Variants in RIMS2 observed in about 807,000 individuals in gnomAD.
RIMS2 encodes regulating synaptic membrane exocytosis protein 2.
In RIMS2, 59 loss-of-function variants were observed where a neutral mutation model predicts 174.4. That is an observed-to-expected ratio of 0.34 (90% CI 0.27 to 0.42). The LOEUF (loss-of-function observed/expected upper bound fraction) is 0.42. RIMS2 is among the 10% of genes least tolerant of loss of function. The probability of loss-of-function intolerance (pLI) is 1.00; values close to 1 mark genes in which losing one functional copy is unlikely to be tolerated. For synonymous variants in RIMS2, 606 were observed against 572.5 expected, an observed-to-expected ratio of 1.06 and a Z score of -0.84; for missense variants, 1,620 against 1,666.3, an observed-to-expected ratio of 0.97 and a Z score of 0.48.
intron 19 of RIMS2, among the ~76,000 whole-genome samples, chr8:104,204,523 T>C (rs2099070625): frequency 1.3e-5 from 2 of 152,152 alleles, no homozygotes; most frequent in African/African-American, 4.8e-5. Context: ...TGGACAGTAT[T>C]AATTGTGACT....
intron 19 of RIMS2, among the ~76,000 whole-genome samples, chr8:104,121,580 G>A (rs1408626950): frequency 6.6e-6 from 1 of 152,216 alleles, no homozygotes; most frequent in Non-Finnish European, 1.5e-5. Flanking sequence ...CAAAGTATGT[G>A]TAAATAGGTT....
chr8:103,744,361 G>A (rs1564478030), intron 2 of RIMS2, among the ~76,000 whole-genome samples: 1 of 152,064 alleles, frequency 6.6e-6, no homozygotes, highest in South Asian at 2.1e-4. Context: ...TTATATTTAA[G>A]TTTTGGCTTA....
chr8:103,995,244 G>A (rs534746472), intron 17 of RIMS2, among the ~76,000 whole-genome samples: 1 of 152,162 alleles, frequency 6.6e-6, no homozygotes, highest in South Asian at 2.1e-4. Flanking sequence ...ATTTGAGTGG[G>A]TCAGCCATTG....
chr8:103,842,111 C>T (rs2098943442), intron 3 of RIMS2, among the ~76,000 whole-genome samples: 1 of 152,002 alleles, frequency 6.6e-6, no homozygotes, highest in Admixed American at 6.5e-5. Flanking sequence ...CAGAAGAATA[C>T]AGCTTATTAA....
chr8:103,966,871 A>G (rs984411350), intron 15 of RIMS2, among the ~76,000 whole-genome samples: 3 of 151,594 alleles, frequency 2.0e-5, no homozygotes, highest in Admixed American at 2.0e-4. Context: ...TTCTTGACCC[A>G]TGTGTTATTT....
rs553556291 is a variant in RIMS2, at chr8:103,530,207, G to T, written c.176+29145G>T. Reference sequence around the variant, plus strand: ...AAACATATCACATATGTTAGGGTTTGATGATTTGTAGATGCATATTATAAT... The same window carrying T: ...AAACATATCACATATGTTAGGGTTTTATGATTTGTAGATGCATATTATAAT... On this transcript the variant is annotated intron_variant, in intron 1 of 23. Transcript: ENST00000504942. 2.0e-5 allele frequency among the ~76,000 whole-genome samples: 3 copies of T among 152,280 alleles called. No homozygotes were observed. In the South Asian group the frequency reaches 6.2e-4, roughly 32 times the overall value.
intron 19 of RIMS2, among the ~76,000 whole-genome samples, chr8:104,054,579 C>T (rs971089964): frequency 5.3e-5 from 8 of 152,086 alleles, no homozygotes; most frequent in African/African-American, 1.9e-4. Flanking sequence ...AATATTGCTA[C>T]ATAAGCTTCA....
chr8:104,209,599 T>C (rs2099096530), intron 19 of RIMS2, among the ~76,000 whole-genome samples: 2 of 152,242 alleles, frequency 1.3e-5, no homozygotes, highest in South Asian at 4.1e-4. Context: ...CTTATTTTGT[T>C]TGTTGTTTGT....
Position 104,230,261 on chromosome 8 carries a change from G to A in RIMS2, c.3335-14655G>A, listed in dbSNP as rs531583639. Among the ~76,000 whole-genome samples, 12 of 141,026 alleles carry A rather than the reference G, an allele frequency of 8.5e-5. No individual in the cohort carries two copies. In the South Asian group the frequency reaches 1.6e-3, roughly 19 times the overall value. The allele number at this position is 141,026 out of a possible 152,430, so 92.5% of individuals were successfully genotyped here. Reference sequence around the variant, plus strand: ...TCCATTGCACTCCAGTCTGGGCAACGAGAGCAAAACTACATCTCAAAAAAA... The same window carrying A: ...TCCATTGCACTCCAGTCTGGGCAACAAGAGCAAAACTACATCTCAAAAAAA... On this transcript the variant is annotated intron_variant, in intron 19 of 23. Coordinates refer to ENST00000504942, the Ensembl canonical transcript of RIMS2.
intron 4 of RIMS2, among the ~76,000 whole-genome samples, chr8:103,894,595 C>G (rs568301553): frequency 6.6e-6 from 1 of 151,644 alleles, no homozygotes; most frequent in African/African-American, 2.4e-5. Context: ...TTTTGAAGAT[C>G]AAATACCTCT....
chr8:103,647,184 C>G, intron 1 of RIMS2, among the ~76,000 whole-genome samples: 1 of 152,172 alleles, frequency 6.6e-6, no homozygotes, highest in Non-Finnish European at 1.5e-5. Context: ...ATGAAACCTA[C>G]TTTATCATGG....
At chr8:103,930,414 T>A (rs944608690) in intron 11 of RIMS2, among the ~76,000 whole-genome samples, 16 of 152,102 alleles carry the variant, frequency 1.1e-4, no homozygotes, top group African/African-American at 4.8e-5. Context: ...TGGTTAGGTA[T>A]GTGCTGAGTT....
chr8:104,108,382 T>C (rs921404734), intron 19 of RIMS2, among the ~76,000 whole-genome samples: 2 of 152,036 alleles, frequency 1.3e-5, no homozygotes, highest in Non-Finnish European at 2.9e-5. Flanking sequence ...GCCTCCAAAT[T>C]CTTGGCTCAA....
chr8:103,742,506 A>C, intron 2 of RIMS2, among the ~76,000 whole-genome samples: 1 of 152,254 alleles, frequency 6.6e-6, no homozygotes, highest in South Asian at 2.1e-4. Context: ...ATACAATTGC[A>C]CTGACAGACT....
chr8:103,687,891 T>A (rs1322965210), intron 1 of RIMS2, among the ~76,000 whole-genome samples: 1 of 8,058 alleles, frequency 1.2e-4, no homozygotes, highest in Non-Finnish European at 2.0e-4. Flanking sequence ...TATACCGCAT[T>A]TTTTTTTATT....
At chr8:104,194,427 A>G (rs2099013500) in intron 19 of RIMS2, among the ~76,000 whole-genome samples, 2 of 152,226 alleles carry the variant, frequency 1.3e-5, no homozygotes, top group African/African-American at 4.8e-5. Context: ...CTTTAAATAA[A>G]GACTGAATGT....
intron 3 of RIMS2, among the ~76,000 whole-genome samples, chr8:103,864,943 G>A (rs771261567): frequency 4.6e-5 from 7 of 152,072 alleles, no homozygotes; most frequent in Non-Finnish European, 1.0e-4. Context: ...CTCTCATCCA[G>A]TAAGGCAAAT....
chr8:103,786,981 A>G (rs1193655698), intron 3 of RIMS2, among the ~76,000 whole-genome samples: 1 of 151,166 alleles, frequency 6.6e-6, no homozygotes, highest in Non-Finnish European at 1.5e-5. Flanking sequence ...TATATTTAGG[A>G]TAGTTAGCTC....
chr8:104,141,837 G>C (rs1432558112), intron 19 of RIMS2, among the ~76,000 whole-genome samples: 1 of 152,172 alleles, frequency 6.6e-6, no homozygotes, highest in East Asian at 1.9e-4. Flanking sequence ...CCTCTTCAGA[G>C]AGGCCTTCCT....
Sources: allele counts gnomAD v4.1 joint callset (sites outside exome capture counted in the v4.1 genomes callset), GRCh38; gene constraint gnomAD v4.1.1; transcripts MANE v1.5; gene names NCBI Gene and HGNC (gene_info 2026-07-23, HGNC 2026-07-21).